Variants in IQSEC1 observed in about 807,000 individuals in gnomAD.
IQSEC1 encodes IQ motif and Sec7 domain ArfGEF 1, also known as IQ motif and SEC7 domain-containing protein 1.
Under a neutral mutation model 91.0 loss-of-function variants are expected in IQSEC1, and 31 were observed. The ratio of observed to expected loss-of-function variants is 0.34; its 90% CI spans 0.26 to 0.46. IQSEC1 has a LOEUF of 0.46. IQSEC1 is among the 20% of genes least tolerant of loss of function. The pLI is 1.00. For synonymous variants in IQSEC1, 699 were observed against 662.6 expected (o/e 1.05, Z -0.84); for missense variants, 1,388 against 1,575.6 (o/e 0.88, Z 2.02).
At chr3:12,989,211 TTTC>T (rs1701878834) in intron 1 of IQSEC1, among the ~76,000 whole-genome samples, 1 of 152,236 alleles carries the variant, frequency 6.6e-6, no homozygotes, top group Non-Finnish European at 1.5e-5. Flanking sequence ...AGGGCATGGC[TTTC>T]GGTCTCTTTT....
intron 1 of IQSEC1, among the ~76,000 whole-genome samples, chr3:13,200,171 A>G (rs1694216438): frequency 6.6e-6 from 1 of 151,440 alleles, no homozygotes; most frequent in Non-Finnish European, 1.5e-5. Flanking sequence ...ACACATACAC[A>G]CACATACAAC....
intron 2 of IQSEC1, among the ~76,000 whole-genome samples, chr3:13,110,197 T>C (rs1706220115): frequency 6.6e-6 from 1 of 152,080 alleles, no homozygotes. Context: ...AAATTCGTTT[T>C]TGTTTATGAA....
At chr3:12,923,192 G>C (rs1696792321) in intron 4 of IQSEC1, among the ~76,000 whole-genome samples, 1 of 152,196 alleles carries the variant, frequency 6.6e-6, no homozygotes, top group South Asian at 2.1e-4. Context: ...GGTGGCCCGG[G>C]GGAGCCAGCC....
chr3:13,180,263 G>C (rs1054851431), intron 1 of IQSEC1, among the ~76,000 whole-genome samples: 6 of 152,274 alleles, frequency 3.9e-5, no homozygotes, highest in Admixed American at 6.5e-5. Flanking sequence ...CTAGCTCAAG[G>C]TTTGTAAACA....
chr3:13,100,101 C>T (rs939274322), intron 2 of IQSEC1, among the ~76,000 whole-genome samples: 3 of 147,848 alleles, frequency 2.0e-5, no homozygotes, highest in South Asian at 2.1e-4. Context: ...AGAACAGTGG[C>T]GTGGCGAGGG....
intron 6 of IQSEC1, among the ~76,000 whole-genome samples, chr3:12,916,794 CGACA>C (rs1443023371): frequency 6.6e-6 from 1 of 152,212 alleles, no homozygotes; most frequent in African/African-American, 2.4e-5. Flanking sequence ...CACATCAGCA[CGACA>C]GACTACTTAC....
chr3:12,938,934 C>G (rs925100775), intron 2 of IQSEC1, among the ~76,000 whole-genome samples: 1 of 152,200 alleles, frequency 6.6e-6, no homozygotes, highest in African/African-American at 2.4e-5. Context: ...GGACCTGGGG[C>G]TACTCTTCCT....
chr3:13,280,068 A>G (rs1390513362), intron 1 of IQSEC1, among the ~76,000 whole-genome samples: 3 of 152,184 alleles, frequency 2.0e-5, no homozygotes, highest in Admixed American at 2.0e-4. Context: ...CTTAATTCTC[A>G]AAAAAGTATG....
chr3:13,256,223 C>T (rs2125123210), intron 1 of IQSEC1, among the ~76,000 whole-genome samples: 1 of 152,330 alleles, frequency 6.6e-6, no homozygotes, highest in South Asian at 2.1e-4. Flanking sequence ...GACAGCTGCA[C>T]ACTGAGTGTC....
intron 1 of IQSEC1, among the ~76,000 whole-genome samples, chr3:13,052,685 C>T (rs360893): frequency 0.37 from 56,923 of 152,048 alleles, 11,684 homozygotes; most frequent in East Asian, 0.65. Flanking sequence ...GATCCAGTTT[C>T]CCCACAGCCC....
chr3:13,034,302 G>A (rs965936093), intron 1 of IQSEC1, among the ~76,000 whole-genome samples: 4 of 152,204 alleles, frequency 2.6e-5, no homozygotes, highest in South Asian at 4.1e-4. Context: ...CCAAGAAACC[G>A]CTGAGGTGCA....
At chr3:13,106,235 C>T (rs925718017) in intron 2 of IQSEC1, among the ~76,000 whole-genome samples, 2 of 152,132 alleles carry the variant, frequency 1.3e-5, no homozygotes, top group Admixed American at 1.3e-4. Context: ...CAGGAAGCCT[C>T]CCCGTTTCCC....
At chr3:13,023,542 A>G (rs998985851) in intron 1 of IQSEC1, among the ~76,000 whole-genome samples, 1 of 152,068 alleles carries the variant, frequency 6.6e-6, no homozygotes, top group Admixed American at 6.5e-5. Flanking sequence ...TCACCGGGGG[A>G]AACTGAGGCT....
intron 1 of IQSEC1, among the ~76,000 whole-genome samples, chr3:13,011,241 C>G (rs1415705453): frequency 6.6e-6 from 1 of 152,188 alleles, no homozygotes; most frequent in Non-Finnish European, 1.5e-5. Flanking sequence ...GACCCAGGGC[C>G]TACCCGCAGG....
At chr3:13,032,012 T>C (rs1189946085) in intron 1 of IQSEC1, among the ~76,000 whole-genome samples, 2 of 152,126 alleles carry the variant, frequency 1.3e-5, no homozygotes, top group Non-Finnish European at 2.9e-5. Flanking sequence ...AGAACCCCTG[T>C]ATAGCCTTCA....
chr3:12,911,746 C>T lies in IQSEC1; in HGVS notation c.2317-18G>A, dbSNP rs1201339344. The stretch of plus-strand genomic sequence containing the variant: ...TTGGTGACCTAGAGGCAGCCAGAGA[C>T]AGAGCTGAGCTACAGTGTCTCGGGG... On this transcript the variant is annotated intron_variant, in intron 9 of 13. Transcript: ENST00000613206. The T allele has an allele frequency of 6.4e-7, 1 of 1,551,090 alleles. No homozygotes were observed. Among genetic ancestry groups the T allele is most frequent in the South Asian group, 1.1e-5 (1 of 89,928 alleles).
At chr3:13,138,462 G>A (rs372611785) in intron 2 of IQSEC1, among the ~76,000 whole-genome samples, 9 of 151,942 alleles carry the variant, frequency 5.9e-5, no homozygotes, top group East Asian at 1.9e-4. Context: ...GCAGCCTCCC[G>A]TCACCTGAAG....
At chr3:13,004,529 G>A (rs547922337) in intron 1 of IQSEC1, among the ~76,000 whole-genome samples, 136 of 152,186 alleles carry the variant, frequency 8.9e-4, no homozygotes, top group African/African-American at 2.1e-3. Flanking sequence ...CACTCTCCCC[G>A]CCTCCCTCCT....
At chr3:13,026,894 T>A (rs1479192017) in intron 1 of IQSEC1, among the ~76,000 whole-genome samples, 48 of 145,528 alleles carry the variant, frequency 3.3e-4, no homozygotes, top group African/African-American at 1.2e-3. Flanking sequence ...TTTTTTTTTT[T>A]ACCAATTAAT....
Sources: gnomAD v4.1 joint callset for allele counts (sites outside exome capture counted in the v4.1 genomes callset) on GRCh38, gnomAD v4.1.1 for gene constraint, MANE v1.5 for transcripts, NCBI Gene and HGNC (gene_info 2026-07-23, HGNC 2026-07-21) for gene names.